Variants in APAF1 observed in about 807,000 individuals in gnomAD.
APAF1 encodes the protein apoptotic peptidase activating factor 1.
Under a neutral mutation model 152.4 loss-of-function variants are expected in APAF1, and 91 were observed. That is an observed-to-expected ratio of 0.60 (90% CI 0.50 to 0.71). APAF1 has a LOEUF of 0.71. Ranked by LOEUF, APAF1 falls within the 30% of genes least tolerant of loss-of-function variation. The pLI is 0.00. For synonymous variants in APAF1, 484 were observed against 494.1 expected (o/e 0.98, Z 0.27); for missense variants, 1,283 against 1,472.0 (o/e 0.87, Z 2.10).
rs149589840 is a variant in APAF1 at position 98,725,516 on chromosome 12, G to A, written c.3432G>A (p.Thr1144=). Residue 1144 remains threonine (T), a synonymous_variant, in exon 25 of 27, where the codon ACG becomes ACA. Coordinates refer to ENST00000551964, the MANE Select transcript of APAF1 (RefSeq NM_181861.2). ...CTGTGGACAGTACCCTGCTGGCAAC[G>A]GGAGATGACAATGGAGAAATCAGGG... ...AFSVDSTLLA[T]GDDNGEIRIW... The A allele has an allele frequency of 2.9e-5, 46 of 1,614,002 alleles. No individual in the cohort carries two copies. Among genetic ancestry groups the A allele is most frequent in the Middle Eastern group, 1.6e-4 (1 of 6,072 alleles).
At position 98,683,368 on chromosome 12, in the gene APAF1, TC is replaced by T. The variant is rs1474263369; in HGVS notation, c.2178+95del. On this transcript the variant is annotated intron_variant, in intron 15 of 26. Transcript: ENST00000551964. Reference sequence around the variant, plus strand: ...CTTATGTATACTACTATTAGGACTTTCTGGTCACAATGATAGAAACTACAAT... The same window carrying T: ...CTTATGTATACTACTATTAGGACTTTTGGTCACAATGATAGAAACTACAAT... 2.4e-6 allele frequency: 3 copies of T among 1,248,424 alleles called. No homozygotes were observed. The African/African-American group carries it at 4.4e-5, about 18-fold the overall frequency. 77.3% of individuals were successfully genotyped at this position (1,248,424 alleles called of 1,614,324 possible).
chr12:98,690,073 C>T (rs1255196427), intron 16 of APAF1, among the ~76,000 whole-genome samples: 1 of 152,176 alleles, frequency 6.6e-6, no homozygotes, highest in Non-Finnish European at 1.5e-5. Context: ...TACTTAAATA[C>T]TCCTGGGCAC....
intron 20 of APAF1, among the ~76,000 whole-genome samples, chr12:98,710,490 C>T (rs189840257): frequency 7.9e-5 from 12 of 152,098 alleles, no homozygotes; most frequent in South Asian, 2.1e-4. Context: ...ATAGAGAAGA[C>T]GAGAGTAATA....
intron 4 of APAF1, among the ~76,000 whole-genome samples, chr12:98,656,193 G>T (rs1174032642): frequency 6.6e-6 from 1 of 152,180 alleles, no homozygotes; most frequent in Non-Finnish European, 1.5e-5. Flanking sequence ...CTCCCAAAGT[G>T]CTGGGAGCCA....
intron 16 of APAF1, among the ~76,000 whole-genome samples, chr12:98,698,211 T>A (rs1239881813): frequency 3.9e-5 from 6 of 152,186 alleles, no homozygotes; most frequent in South Asian, 2.1e-4. Flanking sequence ...AAAATTTTTT[T>A]AAATTGAAAA....
At chr12:98,667,094 C>T (rs1306422535) in intron 9 of APAF1, among the ~76,000 whole-genome samples, 1 of 148,494 alleles carries the variant, frequency 6.7e-6, no homozygotes, top group Non-Finnish European at 1.5e-5. Flanking sequence ...TGGGGAGATT[C>T]TCTGTATATA....
intron 21 of APAF1, chr12:98,712,841 A>G: frequency 4.8e-6 from 1 of 207,546 alleles, no homozygotes. Flanking sequence ...TTTTTGAATC[A>G]GGATCTCACC....
At chr12:98,663,107 A>C (rs2097667679) in intron 7 of APAF1, among the ~76,000 whole-genome samples, 1 of 152,180 alleles carries the variant, frequency 6.6e-6, no homozygotes, top group African/African-American at 2.4e-5. Context: ...TCAGATTTTA[A>C]AACTTGTTTT....
chr12:98,665,857 C>A, intron 8 of APAF1, 66 bp downstream of exon 8: 1 of 1,337,078 alleles, frequency 7.5e-7, no homozygotes, highest in Non-Finnish European at 1.1e-6. Context: ...TAGTACTGAG[C>A]ATGTTGTTAC....
chr12:98,714,160 T>A (rs1385002149), intron 21 of APAF1, among the ~76,000 whole-genome samples: 2 of 152,228 alleles, frequency 1.3e-5, no homozygotes, highest in Non-Finnish European at 2.9e-5. Flanking sequence ...TCTCTTTACC[T>A]TGATGCCAAG....
intron 4 of APAF1, among the ~76,000 whole-genome samples, chr12:98,657,717 G>C (rs969924969): frequency 2.6e-5 from 4 of 152,156 alleles, no homozygotes; most frequent in African/African-American, 7.2e-5. Flanking sequence ...GCAGAATAGT[G>C]TAGAAGTTGA....
At chr12:98,647,253 T>TAAA (rs199625521) in intron 1 of APAF1, among the ~76,000 whole-genome samples, 1 of 125,412 alleles carries the variant, frequency 8.0e-6, no homozygotes, top group Non-Finnish European at 1.7e-5. Flanking sequence ...CCGTCTGTAC[T>TAAA]AAAAAAAAAA....
rs1300158972 is a variant in APAF1, at chr12:98,649,542, A to G, written c.384A>G (p.Thr128=). 2 of 1,614,220 alleles carry G rather than the reference A, an allele frequency of 1.2e-6. No individual in the cohort carries two copies. Among genetic ancestry groups the G allele is most frequent in the Non-Finnish European group, 1.7e-6 (2 of 1,180,030 alleles). Reference sequence around the variant, plus strand: ...CACAGAGGCCAGTTGTTTTTGTCACAAGGAAGAAGCTGGTGAATGCAATTC... The same window carrying G: ...CACAGAGGCCAGTTGTTTTTGTCACGAGGAAGAAGCTGGTGAATGCAATTC... ...GVPQRPVVFV[T]RKKLVNAIQQ... The change falls in exon 4 of 27, where the codon ACA becomes ACG. Residue 128 remains threonine (T), a synonymous_variant. Coordinates refer to ENST00000551964, the MANE Select transcript of APAF1 (RefSeq NM_181861.2).
intron 4 of APAF1, among the ~76,000 whole-genome samples, chr12:98,652,688 G>A (rs200980865): frequency 2.0e-5 from 3 of 151,686 alleles, no homozygotes; most frequent in East Asian, 1.9e-4. Flanking sequence ...GTGCCATGGC[G>A]CGATCTTGGC....
At chr12:98,647,326 T>C (rs1475745202) in intron 1 of APAF1, among the ~76,000 whole-genome samples, 3 of 151,406 alleles carry the variant, frequency 2.0e-5, no homozygotes, top group African/African-American at 7.3e-5. Context: ...ACTCAAACAT[T>C]TCGATGAATA....
rs374919923 is a variant in APAF1 at position 98,653,235 on chromosome 12, A to C, written c.526+3551A>C. ...CAGGAACATTGGATTTTTGACATTT[A>C]ATTGTATTGCAAAACCTTTTCTTTT... On this transcript the variant is annotated intron_variant, in intron 4 of 26. Transcript: ENST00000551964. 1.1e-4 allele frequency among the ~76,000 whole-genome samples: 16 copies of C among 152,292 alleles called. 2 individuals carry two copies. Among genetic ancestry groups the C allele is most frequent in the East Asian group, 3.9e-4 (2 of 5,186 alleles).
intron 21 of APAF1, among the ~76,000 whole-genome samples, chr12:98,713,509 C>G (rs1035517015): frequency 1.3e-5 from 2 of 152,158 alleles, no homozygotes; most frequent in African/African-American, 4.8e-5. Context: ...CTCAGTTCAC[C>G]ACCTGAAATC....
chr12:98,649,094 G>A (rs1471326669), intron 3 of APAF1: 1 of 465,142 alleles, frequency 2.1e-6, no homozygotes, highest in African/African-American at 2.1e-5. Context: ...TTATTTTCCA[G>A]TTCTATGTGT....
chr12:98,697,986 G>A (rs530890206), intron 16 of APAF1, among the ~76,000 whole-genome samples: 28 of 152,250 alleles, frequency 1.8e-4, no homozygotes, highest in African/African-American at 6.5e-4. Context: ...GGTGCACAGG[G>A]ACCCTGGATA....
Sources: allele counts gnomAD v4.1 joint callset (sites outside exome capture counted in the v4.1 genomes callset), GRCh38; gene constraint gnomAD v4.1.1; transcripts MANE v1.5; gene names NCBI Gene and HGNC (gene_info 2026-07-23, HGNC 2026-07-21).